Variants in PFKM observed in about 807,000 individuals in gnomAD.
The protein encoded by PFKM is phosphofructokinase, muscle.
PFKM carries 58 observed loss-of-function variants against 95.5 expected under a neutral mutation model. The ratio of observed to expected loss-of-function variants is 0.61; its 90% CI spans 0.49 to 0.76. The LOEUF (loss-of-function observed/expected upper bound fraction) is 0.76. Ranked by LOEUF, PFKM falls within the 30% of genes least tolerant of loss-of-function variation. The pLI is 0.00. For missense variants in PFKM, 678 were observed against 1,005.4 expected (o/e 0.67, Z 4.40); for synonymous variants, 336 against 357.2 (o/e 0.94, Z 0.67).
chr12:48,133,564 G>A (rs904566239), intron 6 of PFKM, 84 bp downstream of exon 6: 11 of 1,292,258 alleles, frequency 8.5e-6, no homozygotes, highest in Admixed American at 5.2e-5. Context: ...AGACTAAAGC[G>A]TTTGAGCTAT....
At chr12:48,128,574 A>G (rs923283161) in intron 2 of PFKM, among the ~76,000 whole-genome samples, 2 of 152,236 alleles carry the variant, frequency 1.3e-5, no homozygotes, top group African/African-American at 2.4e-5. Flanking sequence ...GTATTTGTTC[A>G]GTGAACAAAT....
At chr12:48,124,355 C>A (rs941456139) in intron 2 of PFKM, among the ~76,000 whole-genome samples, 1 of 152,256 alleles carries the variant, frequency 6.6e-6, no homozygotes, top group South Asian at 2.1e-4. Flanking sequence ...ATACTGAATT[C>A]TTTAACATGT....
At chr12:48,125,311 T>A in intron 2 of PFKM, 1 of 265,210 alleles carries the variant, frequency 3.8e-6, no homozygotes, top group Non-Finnish European at 7.8e-6. Context: ...ATCTTTTTGA[T>A]TTTTTTTTTT....
At position 48,123,960 on chromosome 12, in the gene PFKM, TAGAAC is replaced by T. The variant is rs528865765; in HGVS notation, c.85+1104_85+1108del. Among the ~76,000 whole-genome samples, 21 of 152,292 alleles carry T rather than the reference TAGAAC, an allele frequency of 1.4e-4. No homozygotes were observed. In the South Asian group the frequency reaches 2.5e-3, roughly 18 times the overall value. The stretch of plus-strand genomic sequence containing the variant: ...GAACTCTTTATTTAAGTAAGGTGCT[TAGAAC>T]AGTAGCAGGCACATCGTAAATACTC... On this transcript the variant is annotated intron_variant, in intron 2 of 22. Coordinates refer to ENST00000359794, the MANE Select transcript of PFKM (RefSeq NM_000289.6).
At chr12:48,125,339 C>T (rs912622649) in intron 2 of PFKM, 4 of 449,230 alleles carry the variant, frequency 8.9e-6, no homozygotes, top group African/African-American at 4.1e-5. Context: ...GGGACGGGAT[C>T]GGCCAGGTGC....
chr12:48,107,974 C>A (rs909907610), intron 2 of PFKM: 9 of 1,264,316 alleles, frequency 7.1e-6, no homozygotes. Context: ...AAAGAAAGCC[C>A]TGGACAGCTC....
intron 2 of PFKM, among the ~76,000 whole-genome samples, chr12:48,129,210 CTTTTTTTTTTTTTTTTTTTT>C (rs778761447): frequency 9.1e-5 from 2 of 21,998 alleles, no homozygotes; most frequent in East Asian, 4.5e-3. Flanking sequence ...AATTTTCTTT[CTTTTTTTTTTTTTTTTTTTT>C]TTTTTTTTTT....
chr12:48,133,253 T>G, intron 5 of PFKM, 62 bp from the exon 6 acceptor site: 1 of 1,437,912 alleles, frequency 7.0e-7, no homozygotes, highest in Non-Finnish European at 9.8e-7. Flanking sequence ...TCTCTAGATA[T>G]CTCCTCTTTA....
chr12:48,134,708 ACT>A lies in PFKM; in HGVS notation c.639-9_639-8del. The A allele has an allele frequency of 6.4e-7, 1 of 1,570,946 alleles. No homozygotes were observed. Reference sequence around the variant, plus strand: ...TACAACTTCTAGCAGGATGCTTCTGACTCTCATCTCAGATACCTGGCCCTTGT... The same window carrying A: ...TACAACTTCTAGCAGGATGCTTCTGACTCATCTCAGATACCTGGCCCTTGT... On this transcript the variant is annotated splice_polypyrimidine_tract_variant and intron_variant, in intron 7 of 22. Transcript: ENST00000359794.
rs754913524 is a variant in PFKM at position 48,134,967 on chromosome 12, A to C, written c.772A>C (p.Asn258His). 6.2e-7 allele frequency: 1 copy of C among 1,614,082 alleles called. No individual in the cohort carries two copies. Among genetic ancestry groups the C allele is most frequent in the Non-Finnish European group, 8.5e-7 (1 of 1,179,944 alleles). ...GACAAGGACCCGTGGTTCTCGTCTC[A>C]ACATCATCATTGTGGCTGAGGGTGC... ...SETRTRGSRL[N>H]IIIVAEGAID... Residue 258 changes from asparagine to histidine, a missense_variant, in exon 9 of 23, where the codon AAC becomes CAC. Transcript: ENST00000359794.
At position 48,132,913 on chromosome 12, in the gene PFKM, C is replaced by A; in HGVS notation, c.283C>A (p.Arg95=). Residue 95 remains arginine, a synonymous_variant, in exon 5 of 23, where the codon CGA becomes AGA. Coordinates refer to ENST00000359794, the MANE Select transcript of PFKM (RefSeq NM_000289.6). The part of the protein sequence containing the change: ...GSARCKDFRE[R]EGRLRAAYNL... The stretch of plus-strand genomic sequence containing the variant: ...TGCCCGGTGCAAGGACTTTCGGGAA[C>A]GAGAAGGACGACTCCGAGCTGCCTA... The A allele has an allele frequency of 2.5e-6, 4 of 1,614,076 alleles. No homozygotes were observed. Among genetic ancestry groups the A allele is most frequent in the Non-Finnish European group, 3.4e-6 (4 of 1,179,998 alleles).
chr12:48,132,838 C>A (rs766457185), intron 4 of PFKM, 30 bp from the exon 5 acceptor site: 1 of 1,582,466 alleles, frequency 6.3e-7, no homozygotes, highest in Non-Finnish European at 8.6e-7. Flanking sequence ...AGCCCTGTCT[C>A]TGGGGAGCTG....
upstream of PFKM, among the ~76,000 whole-genome samples, chr12:48,116,404 T>C (rs1256339742): frequency 6.6e-6 from 1 of 152,210 alleles, no homozygotes; most frequent in East Asian, 1.9e-4. Flanking sequence ...CTATTGATGT[T>C]GAGCATCTTT....
chr12:48,106,746 G>GCTAGACTCTGGCAAGA (rs1242303483), intron 1 of PFKM, among the ~76,000 whole-genome samples: 3 of 152,102 alleles, frequency 2.0e-5, no homozygotes, highest in Non-Finnish European at 4.4e-5. Context: ...GACGGATTAG[G>GCTAGACTCTGGCAAGA]CTAGACTCTG....
rs1413157674 is a variant in PFKM, at chr12:48,130,415, C to T, written c.138C>T (p.Ala46=). The T allele has an allele frequency of 3.1e-6, 5 of 1,613,228 alleles. No homozygotes were observed. In the Admixed American group the frequency reaches 5.0e-5, roughly 16 times the overall value. Residue 46 remains alanine (A), a synonymous_variant, in exon 3 of 23, where the codon GCC becomes GCT. Transcript: ENST00000359794. The stretch of plus-strand genomic sequence containing the variant: ...TTCGAGTTGGTATCTTCACCGGTGC[C>T]CGTGTCTTCTTTGTCCATGAGGTTG... ...AVVRVGIFTG[A]RVFFVHEGYQ...
intron 2 of PFKM, among the ~76,000 whole-genome samples, chr12:48,128,514 G>A (rs1454320853): frequency 6.6e-6 from 1 of 152,170 alleles, no homozygotes; most frequent in African/African-American, 2.4e-5. Flanking sequence ...GGTCATTGCT[G>A]TACCCCCAGT....
chr12:48,145,661 C>T lies in PFKM; in HGVS notation c.2296C>T (p.His766Tyr). ...TGACTTGGACACTTCAGACCATGCC[C>T]ACCTGGAGCACATCACCCGGAAGCG... The part of the protein sequence containing the change: ...EIDLDTSDHA[H>Y]LEHITRKRSG... The change falls in exon 23 of 23, where the codon CAC (histidine) becomes TAC (tyrosine). Residue 766 changes from histidine (H) to tyrosine (Y), a missense_variant. Coordinates refer to ENST00000359794, the MANE Select transcript of PFKM (RefSeq NM_000289.6). This position sits in a 1 kb window ranked among gnomAD's most constrained non-coding sequence, Gnocchi z 4.3. 3.1e-6 allele frequency: 5 copies of T among 1,614,206 alleles called. No individual in the cohort carries two copies. Among genetic ancestry groups the T allele is most frequent in the Non-Finnish European group, 4.2e-6 (5 of 1,180,034 alleles).
chr12:48,128,166 G>A (rs1949043277), intron 2 of PFKM, among the ~76,000 whole-genome samples: 1 of 151,768 alleles, frequency 6.6e-6, no homozygotes, highest in Admixed American at 6.6e-5. Context: ...TGTCCTTTAG[G>A]TCCCATGACA....
rs572434876 is a variant in PFKM at position 48,114,163 on chromosome 12, T to C, written c.205+5969T>C. 9.3e-4 allele frequency among the ~76,000 whole-genome samples: 142 copies of C among 152,228 alleles called. 1 individual carries two copies. Among genetic ancestry groups the C allele is most frequent in the Non-Finnish European group, 1.6e-3 (111 of 68,020 alleles). On this transcript the variant is annotated intron_variant, in intron 3 of 24. Transcript: ENST00000340802. ...GAAGCCAGCAGTTATCAGCATGCGA[T>C]TGGGCTAGAGAAAAAACTTTCCCAT...
Sources: gnomAD v4.1 joint callset for allele counts (sites outside exome capture counted in the v4.1 genomes callset) on GRCh38, gnomAD v4.1.1 for gene constraint, Gnocchi (gnomAD v3.1) non-coding constraint, MANE v1.5 for transcripts, NCBI Gene and HGNC (gene_info 2026-07-23, HGNC 2026-07-21) for gene names.